AGFG1: variants seen among roughly 807,000 people sequenced by gnomAD.
The protein encoded by AGFG1 is ArfGAP with FG repeats 1.
In AGFG1, 10 loss-of-function variants were observed where a neutral mutation model predicts 60.6. That is an observed-to-expected ratio of 0.16 (90% CI 0.10 to 0.28). The LOEUF (loss-of-function observed/expected upper bound fraction) is 0.28. AGFG1 is among the 10% of genes least tolerant of loss of function. The pLI is 1.00. For synonymous variants in AGFG1, 247 were observed against 242.9 expected (o/e 1.02, Z -0.16); for missense variants, 537 against 676.5 (o/e 0.79, Z 2.29).
In AGFG1 at chr2:227,557,985, A is replaced by G. The variant is rs1693023417; in HGVS notation, c.*3490A>G. The G allele has an allele frequency of 6.6e-6, 1 of 152,252 alleles. No individual in the cohort carries two copies. Among genetic ancestry groups the G allele is most frequent in the Non-Finnish European group, 1.5e-5 (1 of 68,036 alleles). The allele number at this position is 152,252 out of a possible 1,614,324, so 9.4% of individuals were successfully genotyped here. On this transcript the variant is annotated 3_prime_UTR_variant, in exon 13 of 13. Transcript: ENST00000310078. ...TTTGTGTATTTCTAGAACAGTATTT[A>G]CTTGCAGGGCAAACATAACTATTCC...
At chr2:227,532,260 T>A in intron 6 of AGFG1, 2 of 1,402,120 alleles carry the variant, frequency 1.4e-6, no homozygotes, top group East Asian at 5.1e-5. Context: ...ATATTTTTGC[T>A]ATACTTCAAG....
At chr2:227,475,747 G>T (rs973879416) in intron 1 of AGFG1, among the ~76,000 whole-genome samples, 1 of 152,126 alleles carries the variant, frequency 6.6e-6, no homozygotes, top group Admixed American at 6.6e-5. Context: ...TTTATGTTAA[G>T]AAGATATCAT....
At position 227,561,009 on chromosome 2, in the gene AGFG1, T is replaced by C. The variant is rs927138913; in HGVS notation, c.*6514T>C. ...GGACCTTCTAGTCAGCAGGGCATGT[T>C]TGGAAAATGTTAATACGCCATGATT... On this transcript the variant is annotated 3_prime_UTR_variant, in exon 13 of 13. Transcript: ENST00000310078. 5.3e-5 allele frequency: 8 copies of C among 152,172 alleles called. No homozygotes were observed. Among genetic ancestry groups the C allele is most frequent in the Non-Finnish European group, 1.0e-4 (7 of 67,994 alleles). 9.4% of individuals were successfully genotyped at this position (152,172 alleles called of 1,614,324 possible).
At chr2:227,526,839 C>T (rs977431432) in intron 5 of AGFG1, among the ~76,000 whole-genome samples, 2 of 152,152 alleles carry the variant, frequency 1.3e-5, no homozygotes, top group South Asian at 4.1e-4. Context: ...CCACTCTGCC[C>T]GGCCCTAAAG....
intron 1 of AGFG1, among the ~76,000 whole-genome samples, chr2:227,490,485 G>A (rs1690777084): frequency 6.6e-6 from 1 of 152,060 alleles, no homozygotes; most frequent in East Asian, 1.9e-4. Flanking sequence ...GACTGAGGCA[G>A]GAGAATGGCG....
intron 2 of AGFG1, among the ~76,000 whole-genome samples, chr2:227,505,650 T>C (rs1039601346): frequency 2.6e-5 from 4 of 152,176 alleles, no homozygotes; most frequent in African/African-American, 9.7e-5. Flanking sequence ...ATTTCTAGAG[T>C]TTCCATTTCT....
At chr2:227,542,674 A>T (rs1299963131) in intron 10 of AGFG1, among the ~76,000 whole-genome samples, 1 of 152,254 alleles carries the variant, frequency 6.6e-6, no homozygotes, top group African/African-American at 2.4e-5. Context: ...CTGGCCTCAT[A>T]AAATGAGTTA....
chr2:227,506,884 G>C (rs1015160948), intron 2 of AGFG1, among the ~76,000 whole-genome samples: 1 of 152,058 alleles, frequency 6.6e-6, no homozygotes, highest in African/African-American at 2.4e-5. Context: ...ACGTTCCTCT[G>C]TTCTCCCAGT....
chr2:227,552,170 A>G, intron 11 of AGFG1, 53 bp downstream of exon 11: 1 of 1,601,034 alleles, frequency 6.2e-7, no homozygotes, highest in Non-Finnish European at 8.5e-7. Flanking sequence ...TCCTTTTTAT[A>G]TCATAATGTT....
At chr2:227,518,985 C>T (rs1434207085) in intron 2 of AGFG1, among the ~76,000 whole-genome samples, 1 of 152,028 alleles carries the variant, frequency 6.6e-6, no homozygotes, top group African/African-American at 2.4e-5. Context: ...CCAGCCTGGG[C>T]AACATGGTGA....
chr2:227,543,252 G>A (rs1388131651), intron 10 of AGFG1, among the ~76,000 whole-genome samples: 2 of 151,968 alleles, frequency 1.3e-5, no homozygotes, highest in Non-Finnish European at 2.9e-5. Flanking sequence ...TGATGTTAGG[G>A]TGTTAATTTT....
intron 10 of AGFG1, among the ~76,000 whole-genome samples, chr2:227,545,933 C>T (rs56401051): frequency 0.052 from 7,952 of 152,234 alleles, 256 homozygotes; most frequent in African/African-American, 0.092. Flanking sequence ...TAGGCTACTG[C>T]GGGGGTCAGG....
At chr2:227,489,174 G>A (rs750258150) in intron 1 of AGFG1, among the ~76,000 whole-genome samples, 2 of 149,246 alleles carry the variant, frequency 1.3e-5, no homozygotes, top group African/African-American at 2.5e-5. Context: ...AGCTTTAAAG[G>A]TACTTGCAAG....
chr2:227,512,763 T>C (rs139844376), intron 2 of AGFG1, among the ~76,000 whole-genome samples: 23 of 152,358 alleles, frequency 1.5e-4, no homozygotes, highest in African/African-American at 5.3e-4. Flanking sequence ...TATTCTGTTA[T>C]TTGTTCCTGT....
At chr2:227,547,866 A>G (rs1328241356) in intron 10 of AGFG1, among the ~76,000 whole-genome samples, 1 of 152,234 alleles carries the variant, frequency 6.6e-6, no homozygotes, top group Non-Finnish European at 1.5e-5. Context: ...GAATGAAAAC[A>G]TAGATCTGCA....
chr2:227,541,956 C>T (rs1294157427), intron 10 of AGFG1, among the ~76,000 whole-genome samples: 2 of 152,182 alleles, frequency 1.3e-5, no homozygotes, highest in Non-Finnish European at 2.9e-5. Context: ...CTCTTTGTAG[C>T]AATTGTGAAT....
chr2:227,530,122 A>C (rs1209495238), intron 5 of AGFG1, among the ~76,000 whole-genome samples: 1 of 152,068 alleles, frequency 6.6e-6, no homozygotes, highest in African/African-American at 2.4e-5. Flanking sequence ...CAGGCTCATT[A>C]ATTTGGGGTC....
At chr2:227,519,167 A>G (rs1691749379) in intron 2 of AGFG1, among the ~76,000 whole-genome samples, 1 of 152,218 alleles carries the variant, frequency 6.6e-6, no homozygotes, top group African/African-American at 2.4e-5. Flanking sequence ...CCTTTTCTCA[A>G]ACAAACAAAA....
chr2:227,541,696 T>A (rs1649148269), intron 10 of AGFG1, among the ~76,000 whole-genome samples: 1 of 152,216 alleles, frequency 6.6e-6, no homozygotes, highest in Non-Finnish European at 1.5e-5. Flanking sequence ...TTTGGTTCCA[T>A]ATGAACTTTC....
Sources: gnomAD v4.1 joint callset for allele counts (sites outside exome capture counted in the v4.1 genomes callset) on GRCh38, gnomAD v4.1.1 for gene constraint, MANE v1.5 for transcripts, NCBI Gene and HGNC (gene_info 2026-07-23, HGNC 2026-07-21) for gene names.